Variants in SPATA22 observed in about 807,000 individuals in gnomAD.
SPATA22 encodes the protein spermatogenesis-associated protein 22.
A neutral mutation model predicts 47.8 loss-of-function variants in SPATA22; 29 were observed. That is an observed-to-expected ratio of 0.61 (90% confidence interval 0.45 to 0.83). The LOEUF (loss-of-function observed/expected upper bound fraction) is 0.83, where lower values mean the gene tolerates loss of function less well. Ranked by LOEUF, SPATA22 falls within the 40% of genes least tolerant of loss-of-function variation. The pLI is 0.00. For missense variants in SPATA22, 410 were observed against 421.7 expected, an observed-to-expected ratio of 0.97 and a Z score of 0.24; for synonymous variants, 133 against 140.9, an observed-to-expected ratio of 0.94 and a Z score of 0.40.
rs1478813139 is a variant in SPATA22 at position 3,471,795 on chromosome 17, C to T, written c.-187G>A. ...CCCCGTCAGCAACCGCCGCCCTTCC[C>T]GCCCGCGAAGAAAGCGCGGGAATCA... is the stretch of plus-strand genomic sequence containing the variant. On this transcript the variant is annotated 5_prime_UTR_variant, in exon 1 of 9. Coordinates refer to ENST00000572969, the MANE Select transcript of SPATA22 (RefSeq NM_001170698.2). 3.0e-6 allele frequency: 3 copies of T among 985,430 alleles called. No homozygotes were observed. Among genetic ancestry groups the T allele is most frequent in the Non-Finnish European group, 3.6e-6 (3 of 830,008 alleles). The allele number at this position is 985,430 out of a possible 1,614,324, so 61.0% of individuals were successfully genotyped here.
chr17:3,481,465 A>T, intron 1 of SPATA22: 1 of 722,350 alleles, frequency 1.4e-6, no homozygotes, highest in Non-Finnish European at 2.3e-6. Context: ...TAAACATTTC[A>T]GGTAAGTTTT....
chr17:3,482,936 C>T (rs945032189), intron 1 of SPATA22, among the ~76,000 whole-genome samples: 1 of 110,660 alleles, frequency 9.0e-6, no homozygotes, highest in East Asian at 3.3e-4. Context: ...GCTATCCCTC[C>T]CCCCTCCCCC....
chr17:3,446,691 T>C, intron 6 of SPATA22, 90 bp from the exon 7 acceptor site: 1 of 1,051,240 alleles, frequency 9.5e-7, no homozygotes, highest in Admixed American at 3.2e-5. Flanking sequence ...TCTAAGTCCT[T>C]ACAATGGACA....
chr17:3,511,242 A>G (rs1199556455), intron 1 of SPATA22: 1 of 152,214 alleles, frequency 6.6e-6, no homozygotes, highest in Non-Finnish European at 1.5e-5. Flanking sequence ...CATAGGGAAC[A>G]TAGGGGACAA....
chr17:3,448,712 T>C, intron 6 of SPATA22, 95 bp downstream of exon 6: 1 of 888,572 alleles, frequency 1.1e-6, no homozygotes, highest in Non-Finnish European at 1.7e-6. Flanking sequence ...GTCATGGAAT[T>C]TATTTCAGGC....
intron 5 of SPATA22, among the ~76,000 whole-genome samples, chr17:3,450,694 G>A (rs936982392): frequency 2.6e-5 from 4 of 152,050 alleles, no homozygotes; most frequent in Non-Finnish European, 4.4e-5. Flanking sequence ...CACTCTCATG[G>A]TTATAGAAAT....
chr17:3,488,442 C>T lies in SPATA22; in HGVS notation c.-73-19044G>A, dbSNP rs150063941. Among the ~76,000 whole-genome samples the T allele has an allele frequency of 3.7e-3, 559 of 152,216 alleles. 5 individuals carry two copies. Among genetic ancestry groups the T allele is most frequent in the African/African-American group, 0.012 (507 of 41,520 alleles). ...GAAGCCGAGAAGGGCAGATTACCTG[C>T]GGTCAGGAGTTTGAGACCAGCCTGA... On this transcript the variant is annotated intron_variant, in intron 1 of 8. Coordinates refer to the SPATA22 transcript ENST00000541913. This position sits in a 1 kb window ranked among gnomAD's most constrained non-coding sequence, Gnocchi z 6.1.
upstream of SPATA22, chr17:3,476,189 T>C (rs779344515): frequency 1.2e-6 from 2 of 1,614,072 alleles, no homozygotes; most frequent in Non-Finnish European, 1.7e-6. Context: ...CTGAAGAACA[T>C]ATACAAAAGG....
chr17:3,496,530 C>A (rs1276456474), intron 1 of SPATA22, among the ~76,000 whole-genome samples: 1 of 152,130 alleles, frequency 6.6e-6, no homozygotes, highest in African/African-American at 2.4e-5. Context: ...ATCTGAGGAA[C>A]AGCAAGAAGA....
chr17:3,495,658 T>G (rs1392280761), intron 1 of SPATA22, among the ~76,000 whole-genome samples: 3 of 152,214 alleles, frequency 2.0e-5, no homozygotes, highest in Non-Finnish European at 4.4e-5. Flanking sequence ...AAGCTCCACC[T>G]CCCGGGTTCA....
At chr17:3,500,811 C>T (rs1314203966) in intron 1 of SPATA22, 3 of 152,180 alleles carry the variant, frequency 2.0e-5, no homozygotes, top group African/African-American at 4.8e-5. Context: ...GCCCAAAAAT[C>T]GTAGGACTCT....
chr17:3,495,875 T>C (rs2150760697), intron 1 of SPATA22, among the ~76,000 whole-genome samples: 1 of 152,170 alleles, frequency 6.6e-6, no homozygotes, highest in South Asian at 2.1e-4. Context: ...CCTTAAGCAG[T>C]GTTTTAAAGG....
chr17:3,483,405 G>A, intron 1 of SPATA22: 3 of 1,054,478 alleles, frequency 2.8e-6, no homozygotes, highest in Non-Finnish European at 4.5e-6. Flanking sequence ...AGTTGATGAA[G>A]TAAAACGTAT....
chr17:3,463,296 T>C (rs1254567445), intron 3 of SPATA22, among the ~76,000 whole-genome samples: 3 of 152,196 alleles, frequency 2.0e-5, no homozygotes, highest in Non-Finnish European at 4.4e-5. Flanking sequence ...GCAAACAACA[T>C]AGAGTGTACT....
Position 3,471,748 on chromosome 17 carries a change from C to A in SPATA22, c.-140G>T. The A allele has an allele frequency of 1.0e-6, 1 of 985,646 alleles. No homozygotes were observed. The allele number at this position is 985,646 out of a possible 1,614,324, so 61.1% of individuals were successfully genotyped here. A position where few individuals can be genotyped will look rare whatever the true frequency, so the allele number is the denominator to read the frequency against. Reference sequence around the variant, plus strand: ...CTTTCGCCCTCAGTTTCCCTCGCCTCCGTCAACCGTCGTCCAGGCGGCCCC... The same window carrying A: ...CTTTCGCCCTCAGTTTCCCTCGCCTACGTCAACCGTCGTCCAGGCGGCCCC... On this transcript the variant is annotated 5_prime_UTR_variant, in exon 1 of 9. Transcript: ENST00000572969.
At chr17:3,503,449 T>A (rs1415340523) in intron 1 of SPATA22, 1 of 152,212 alleles carries the variant, frequency 6.6e-6, no homozygotes, top group Non-Finnish European at 1.5e-5. Context: ...TACATAAGAT[T>A]TACCAAGCTT....
chr17:3,450,238 G>C (rs971743425), intron 5 of SPATA22, among the ~76,000 whole-genome samples: 1 of 152,072 alleles, frequency 6.6e-6, no homozygotes, highest in Non-Finnish European at 1.5e-5. Flanking sequence ...CCCTACTTAG[G>C]TAAATAATCC....
chr17:3,455,019 G>C (rs989197527), intron 5 of SPATA22, among the ~76,000 whole-genome samples: 6 of 152,002 alleles, frequency 3.9e-5, no homozygotes, highest in African/African-American at 1.4e-4. Flanking sequence ...GTATCTCATT[G>C]TGGTTTTGAT....
In SPATA22 at chr17:3,443,147, C is replaced by T. The variant is rs138758033; in HGVS notation, c.900+27G>A. On this transcript the variant is annotated intron_variant, in intron 8 of 8. Coordinates refer to ENST00000572969, the MANE Select transcript of SPATA22 (RefSeq NM_001170698.2). ...GTTTATATTCTGTTGACATAGGCTT[C>T]GCAAAGAGTACTTTAAAAATACTCA... The T allele has an allele frequency of 1.9e-5, 28 of 1,488,606 alleles. No homozygotes were observed. The East Asian group carries it at 2.3e-4, about 12-fold the overall frequency. The allele number at this position is 1,488,606 out of a possible 1,614,324, so 92.2% of individuals were successfully genotyped here.
Sources: allele counts gnomAD v4.1 joint callset (sites outside exome capture counted in the v4.1 genomes callset), GRCh38; gene constraint gnomAD v4.1.1; non-coding constraint Gnocchi (gnomAD v3.1); transcripts MANE v1.5; gene names NCBI Gene and HGNC (gene_info 2026-07-23, HGNC 2026-07-21).